DCDC1: variants seen among roughly 807,000 people sequenced by gnomAD.
DCDC1 encodes doublecortin domain containing 1, also known as doublecortin domain-containing protein 1.
DCDC1 carries 200 observed loss-of-function variants against 178.3 expected under a neutral mutation model. That is an observed-to-expected ratio of 1.12 (90% confidence interval 1.00 to 1.26). The LOEUF (loss-of-function observed/expected upper bound fraction) is 1.26. DCDC1 is among the 50% of genes most tolerant of loss of function. The pLI, the probability that DCDC1 is intolerant of heterozygous loss-of-function variation, is 0.00. For synonymous variants in DCDC1, 690 were observed against 604.8 expected (o/e 1.14, Z -2.07); for missense variants, 1,983 against 1,749.2 (o/e 1.13, Z -2.38).
At chr11:30,978,512 T>C (rs78649824) in intron 20 of DCDC1, among the ~76,000 whole-genome samples, 6,671 of 152,286 alleles carry the variant, frequency 0.044, 193 homozygotes, top group Non-Finnish European at 0.063. Context: ...TATTTGTACA[T>C]ATTTATGGGG....
intron 9 of DCDC1, among the ~76,000 whole-genome samples, chr11:31,176,761 A>AG (rs749596287): frequency 4.5e-4 from 68 of 151,098 alleles, no homozygotes; most frequent in South Asian, 1.7e-3. Flanking sequence ...AAAGTTCTGA[A>AG]GGAAAAAAAA....
At chr11:31,329,393 CA>C (rs1236564101) in intron 2 of DCDC1, among the ~76,000 whole-genome samples, 1 of 136,178 alleles carries the variant, frequency 7.3e-6, no homozygotes, top group African/African-American at 2.5e-5. Flanking sequence ...CGGGATTTTC[CA>C]TTTTTTTTTA....
chr11:30,911,490 G>A (rs770401037), intron 27 of DCDC1, 70 bp from the exon 28 acceptor site: 1 of 1,168,350 alleles, frequency 8.6e-7, no homozygotes. Context: ...GTGCCACTTA[G>A]CACTGTGTTG....
intron 9 of DCDC1, among the ~76,000 whole-genome samples, chr11:31,216,897 G>T (rs1237457589): frequency 1.3e-5 from 2 of 152,162 alleles, no homozygotes; most frequent in Non-Finnish European, 2.9e-5. Context: ...GCATAAATCA[G>T]TTCCTCTCAT....
At chr11:30,927,150 T>G (rs1946637835) in intron 22 of DCDC1, among the ~76,000 whole-genome samples, 1 of 152,120 alleles carries the variant, frequency 6.6e-6, no homozygotes, top group Admixed American at 6.6e-5. Flanking sequence ...TTTTCTTTCT[T>G]CTCCCTGTGG....
At chr11:30,916,503 T>C (rs1286880952) in intron 26 of DCDC1, among the ~76,000 whole-genome samples, 1 of 152,228 alleles carries the variant, frequency 6.6e-6, no homozygotes, top group African/African-American at 2.4e-5. Flanking sequence ...AACTGCATTT[T>C]CTTAATTTCT....
chr11:30,885,202 C>A, intron 36 of DCDC1, among the ~76,000 whole-genome samples: 1 of 148,044 alleles, frequency 6.8e-6, no homozygotes, highest in South Asian at 2.1e-4. Context: ...ACAAATAAAG[C>A]AGAGAAAATA....
In DCDC1 at chr11:30,894,298, C is replaced by G. The variant is rs543178266; in HGVS notation, c.4852G>C (p.Glu1618Gln). 23 of 1,613,696 alleles carry G rather than the reference C, an allele frequency of 1.4e-5. No homozygotes were observed. In the Admixed American group the frequency reaches 2.5e-4, roughly 18 times the overall value. Residue 1618 changes from glutamate (E) to glutamine (Q), a missense_variant, in exon 35 of 39, where the codon GAA becomes CAA. Transcript: ENST00000684477. ...AGTTTAATTTCCTGTTGAGTCTGTTCGGTCCAGCCTCCTTCAACCACCACG... is the reference window on the plus strand; with the variant it reads ...AGTTTAATTTCCTGTTGAGTCTGTTGGGTCCAGCCTCCTTCAACCACCACG... ...QPVVVEGGWT[E>Q]QTQQEIKLME...
chr11:31,175,971 T>C (rs1967959054), intron 9 of DCDC1, among the ~76,000 whole-genome samples: 1 of 152,102 alleles, frequency 6.6e-6, no homozygotes, highest in Non-Finnish European at 1.5e-5. Flanking sequence ...CAGATATCAA[T>C]GTAGGGACAC....
Position 30,916,913 on chromosome 11 carries a change from C to T in DCDC1, c.3409G>A (p.Glu1137Lys). The change falls in exon 26 of 39, where the codon GAA (glutamate) becomes AAA (lysine). Residue 1137 changes from glutamate to lysine, a missense_variant. By Grantham distance (56) the Glu-to-Lys change is moderately conservative (BLOSUM62 1). Coordinates refer to ENST00000684477, the MANE Select transcript of DCDC1 (RefSeq NM_001387274.1). The stretch of plus-strand genomic sequence containing the variant: ...TCCACATTTTCAAAGAGCCCTTTTT[C>T]CGTTTTCTTTGGAAGACTGTCATCC... ...DEDDSLPKKT[E>K]KGLFENVEPQ... 1 of 1,607,984 alleles carries T rather than the reference C, an allele frequency of 6.2e-7. No individual in the cohort carries two copies. Among genetic ancestry groups the T allele is most frequent in the Admixed American group, 1.7e-5 (1 of 59,094 alleles).
chr11:31,127,728 G>A, intron 10 of DCDC1, 89 bp from the exon 11 acceptor site: 2 of 634,568 alleles, frequency 3.2e-6, no homozygotes, highest in Non-Finnish European at 2.8e-6. Flanking sequence ...CTTGATGGGG[G>A]GAAAATGACT....
At chr11:31,053,702 C>G (rs543835167) in intron 20 of DCDC1, among the ~76,000 whole-genome samples, 103 of 152,206 alleles carry the variant, frequency 6.8e-4, no homozygotes, top group African/African-American at 2.4e-3. Context: ...ACCACATAAA[C>G]AGAATTAAAA....
intron 29 of DCDC1, among the ~76,000 whole-genome samples, chr11:30,907,878 A>G (rs1259737344): frequency 6.6e-6 from 1 of 152,210 alleles, no homozygotes; most frequent in Non-Finnish European, 1.5e-5. Context: ...ACTGCAATAG[A>G]TAAGTGACAT....
At chr11:30,882,224 G>C (rs1942748933) in intron 36 of DCDC1, 1 of 152,204 alleles carries the variant, frequency 6.6e-6, no homozygotes, top group Admixed American at 6.5e-5. Context: ...ATGACACCTT[G>C]CATCTGGCAA....
At chr11:31,357,076 A>G (rs1389113814) in intron 1 of DCDC1, among the ~76,000 whole-genome samples, 1 of 152,074 alleles carries the variant, frequency 6.6e-6, no homozygotes, top group Non-Finnish European at 1.5e-5. Flanking sequence ...AATCCTCCCT[A>G]ACTCATTTTA....
chr11:31,322,962 T>C (rs1270101420), intron 3 of DCDC1, among the ~76,000 whole-genome samples: 2 of 152,220 alleles, frequency 1.3e-5, no homozygotes, highest in African/African-American at 4.8e-5. Flanking sequence ...ACTTTTGCTT[T>C]ATTTTTAGTT....
At chr11:30,904,916 A>T in intron 31 of DCDC1, 45 bp downstream of exon 31, 1 of 1,608,162 alleles carries the variant, frequency 6.2e-7, no homozygotes, top group Non-Finnish European at 8.5e-7. Flanking sequence ...TGCCATTGTC[A>T]TTACCTCTGA....
chr11:31,101,208 G>A (rs1958482197), intron 15 of DCDC1, among the ~76,000 whole-genome samples: 1 of 152,120 alleles, frequency 6.6e-6, no homozygotes. Flanking sequence ...CTGTCTCTGT[G>A]AGTGACTTTT....
At chr11:30,974,261 A>G (rs1949980470) in intron 20 of DCDC1, among the ~76,000 whole-genome samples, 1 of 151,846 alleles carries the variant, frequency 6.6e-6, no homozygotes, top group South Asian at 2.1e-4. Context: ...TTATGGCAAT[A>G]AACAGCTGCA....
Sources: gnomAD v4.1 joint callset for allele counts (sites outside exome capture counted in the v4.1 genomes callset) on GRCh38, gnomAD v4.1.1 for gene constraint, MANE v1.5 for transcripts, NCBI Gene and HGNC (gene_info 2026-07-23, HGNC 2026-07-21) for gene names.